PTPRM: variants seen among roughly 807,000 people sequenced by gnomAD.
PTPRM encodes receptor-type tyrosine-protein phosphatase mu.
In PTPRM, 47 loss-of-function variants were observed where a neutral mutation model predicts 186.7. The observed-to-expected ratio is 0.25, with a 90% CI of 0.20 to 0.32. PTPRM has a LOEUF of 0.32. PTPRM is among the 10% of genes least tolerant of loss of function. The pLI is 1.00. For synonymous variants in PTPRM, 668 were observed against 674.9 expected (o/e 0.99, Z 0.16); for missense variants, 1,494 against 1,865.0 (o/e 0.80, Z 3.66).
chr18:7,837,501 C>T (rs2046109746), intron 2 of PTPRM, among the ~76,000 whole-genome samples: 1 of 152,068 alleles, frequency 6.6e-6, no homozygotes, highest in Non-Finnish European at 1.5e-5. Flanking sequence ...GTTGCCCATG[C>T]TGGAGTGCAG....
At chr18:7,790,787 C>T (rs2043302610) in intron 2 of PTPRM, among the ~76,000 whole-genome samples, 1 of 151,894 alleles carries the variant, frequency 6.6e-6, no homozygotes, top group African/African-American at 2.4e-5. Flanking sequence ...ATTCTTAAGT[C>T]CAGTTCTTTC....
chr18:8,305,741 A>G (rs2095214514), intron 20 of PTPRM, among the ~76,000 whole-genome samples: 1 of 152,166 alleles, frequency 6.6e-6, no homozygotes, highest in Non-Finnish European at 1.5e-5. Context: ...CCTTTTTAAA[A>G]GTATCTCCAC....
At position 7,837,288 on chromosome 18, in the gene PTPRM, A is replaced by G. The variant is rs1156905236; in HGVS notation, c.197-50818A>G. Among the ~76,000 whole-genome samples, 4 of 152,094 alleles carry G rather than the reference A, an allele frequency of 2.6e-5. No individual in the cohort carries two copies. In the East Asian group the frequency reaches 7.7e-4, roughly 29 times the overall value. On this transcript the variant is annotated intron_variant, in intron 2 of 32. Coordinates refer to ENST00000580170, the MANE Select transcript of PTPRM (RefSeq NM_001105244.2). ...TTGTTTCTTCTGCCTGACCTATTCT[A>G]CTATCAAATGACTCATACATTCTTC...
chr18:8,215,937 C>T (rs556873194), intron 14 of PTPRM, among the ~76,000 whole-genome samples: 1 of 152,274 alleles, frequency 6.6e-6, no homozygotes, highest in South Asian at 2.1e-4. Flanking sequence ...ACCTATTTCA[C>T]TTAACCCAGC....
chr18:7,704,993 A>G (rs2040046464), intron 1 of PTPRM, among the ~76,000 whole-genome samples: 1 of 152,152 alleles, frequency 6.6e-6, no homozygotes, highest in Non-Finnish European at 1.5e-5. Flanking sequence ...TATTCTGAGG[A>G]AATAATATTT....
intron 17 of PTPRM, among the ~76,000 whole-genome samples, chr18:8,251,423 G>T (rs2094527396): frequency 6.6e-6 from 1 of 152,192 alleles, no homozygotes; most frequent in South Asian, 2.1e-4. Context: ...TACTTCAGCA[G>T]GGTTCCTGTA....
chr18:8,136,657 C>A (rs1185899313), intron 13 of PTPRM, among the ~76,000 whole-genome samples: 1 of 152,088 alleles, frequency 6.6e-6, no homozygotes, highest in Non-Finnish European at 1.5e-5. Flanking sequence ...AAAGAATACA[C>A]AAAATGTGAC....
At chr18:8,039,329 G>A (rs1035725536) in intron 7 of PTPRM, among the ~76,000 whole-genome samples, 4 of 151,944 alleles carry the variant, frequency 2.6e-5, no homozygotes, top group African/African-American at 9.7e-5. Flanking sequence ...AATTAAAGGA[G>A]ATCCATCTTA....
At chr18:7,637,292 A>G (rs2038340049) in intron 1 of PTPRM, among the ~76,000 whole-genome samples, 1 of 152,108 alleles carries the variant, frequency 6.6e-6, no homozygotes. Context: ...ACATCACAAT[A>G]AAATTTTGTT....
chr18:7,926,208 T>A (rs935606284), intron 4 of PTPRM, among the ~76,000 whole-genome samples: 8 of 152,208 alleles, frequency 5.3e-5, no homozygotes, highest in Non-Finnish European at 1.0e-4. Flanking sequence ...ATATCTAATA[T>A]GTTTTTGTTC....
At chr18:7,972,479 T>TAAAAAAAAAAAAAAAAAAAAAAAAA (rs11445031) in intron 7 of PTPRM, among the ~76,000 whole-genome samples, 1 of 44,354 alleles carries the variant, frequency 2.3e-5, no homozygotes, top group Non-Finnish European at 3.6e-5. Flanking sequence ...AAAAAAACAT[T>TAAAAAAAAAAAAAAAAAAAAAAAAA]AAAAAAAAAA....
At chr18:7,962,231 CAT>C (rs1393410110) in intron 7 of PTPRM, among the ~76,000 whole-genome samples, 5 of 148,248 alleles carry the variant, frequency 3.4e-5, no homozygotes, top group African/African-American at 1.3e-4. Flanking sequence ...GAACAAATAA[CAT>C]ACATAAACAA....
At chr18:7,759,065 A>G (rs369768204) in intron 1 of PTPRM, among the ~76,000 whole-genome samples, 2 of 152,220 alleles carry the variant, frequency 1.3e-5, no homozygotes, top group African/African-American at 4.8e-5. Context: ...GGTTGCAGCT[A>G]CTAAGCACAC....
At chr18:7,661,049 A>G (rs2038968510) in intron 1 of PTPRM, among the ~76,000 whole-genome samples, 1 of 152,218 alleles carries the variant, frequency 6.6e-6, no homozygotes. Flanking sequence ...TAGTGACAGG[A>G]TGAATCACTT....
chr18:7,709,854 A>G (rs576592956), intron 1 of PTPRM, among the ~76,000 whole-genome samples: 1 of 152,312 alleles, frequency 6.6e-6, no homozygotes, highest in South Asian at 2.1e-4. Flanking sequence ...TAAACCAGGA[A>G]GAAATAGAAA....
chr18:8,240,343 G>A lies in PTPRM; in HGVS notation c.2301-3715G>A, dbSNP rs1024198996. Reference sequence around the variant, plus strand: ...AAAGGCTACTGGGGAGGCTGAGGTAGGAGAATGGCGTGAACTCAGGAGGCA... The same window carrying A: ...AAAGGCTACTGGGGAGGCTGAGGTAAGAGAATGGCGTGAACTCAGGAGGCA... On this transcript the variant is annotated intron_variant, in intron 14 of 32. Coordinates refer to ENST00000580170, the MANE Select transcript of PTPRM (RefSeq NM_001105244.2). Among the ~76,000 whole-genome samples, 6 of 151,464 alleles carry A rather than the reference G, an allele frequency of 4.0e-5. No individual in the cohort carries two copies. In the East Asian group the frequency reaches 5.9e-4, roughly 15 times the overall value.
At chr18:8,143,896 ACT>A in intron 14 of PTPRM, 117 bp downstream of exon 14, 2 of 1,282,096 alleles carry the variant, frequency 1.6e-6, no homozygotes, top group Admixed American at 1.9e-5. Context: ...CACATCTGTG[ACT>A]CTGTGATTGT....
intron 5 of PTPRM, among the ~76,000 whole-genome samples, chr18:7,927,454 T>G (rs1245306386): frequency 6.7e-6 from 1 of 149,420 alleles, no homozygotes; most frequent in Non-Finnish European, 1.5e-5. Context: ...TCCTTATCTT[T>G]CCGTGTTTTG....
intron 14 of PTPRM, among the ~76,000 whole-genome samples, chr18:8,175,789 A>G (rs991768867): frequency 2.6e-5 from 4 of 152,234 alleles, no homozygotes; most frequent in African/African-American, 7.2e-5. Flanking sequence ...TAGAATTATA[A>G]CAAGGATTTC....
Sources: allele counts gnomAD v4.1 joint callset (sites outside exome capture counted in the v4.1 genomes callset), GRCh38; gene constraint gnomAD v4.1.1; transcripts MANE v1.5; gene names NCBI Gene and HGNC (gene_info 2026-07-23, HGNC 2026-07-21).